Variants in NAV2 observed in about 807,000 individuals in gnomAD.
NAV2 encodes the protein neuron navigator 2, also known as helicase, APC down-regulated 1.
NAV2 carries 54 observed loss-of-function variants against 223.2 expected under a neutral mutation model. The observed-to-expected ratio is 0.24, with a 90% CI of 0.19 to 0.30. NAV2 has a LOEUF of 0.30. Ranked by LOEUF, NAV2 falls within the 10% of genes least tolerant of loss-of-function variation. The pLI is 1.00. For synonymous variants in NAV2, 1,279 were observed against 1,239.3 expected (o/e 1.03, Z -0.67); for missense variants, 2,806 against 3,147.5 (o/e 0.89, Z 2.60).
chr11:19,683,688 G>A (rs1431199207), intron 1 of NAV2, among the ~76,000 whole-genome samples: 1 of 152,206 alleles, frequency 6.6e-6, no homozygotes, highest in Non-Finnish European at 1.5e-5. Context: ...CTTCCAGTCG[G>A]GTCTGTGTGA....
intron 5 of NAV2, among the ~76,000 whole-genome samples, chr11:19,885,335 ACT>A (rs2063463927): frequency 6.6e-6 from 1 of 151,742 alleles, no homozygotes; most frequent in African/African-American, 2.4e-5. Context: ...ACAGTGCTAC[ACT>A]CTCTTCCCTC....
At chr11:19,380,891 C>T (rs904067963) in intron 1 of NAV2, among the ~76,000 whole-genome samples, 9 of 152,180 alleles carry the variant, frequency 5.9e-5, no homozygotes, top group African/African-American at 2.2e-4. Flanking sequence ...CCAGGAAAAT[C>T]TGGGCAAACC....
rs115883211 is a variant in NAV2, at chr11:19,558,399, G to A, written c.75+207372G>A. On this transcript the variant is annotated intron_variant, in intron 1 of 37. Transcript: ENST00000360655. ...CTGGCAGGGCCTCTCTCTCCAGCAC[G>A]AGAGTCAGAATGGTTTTACATGGCA... 4.6e-3 allele frequency among the ~76,000 whole-genome samples: 696 copies of A among 152,324 alleles called. 4 individuals carry two copies. The highest frequency in any genetic ancestry group is 0.016 in the African/African-American group (669 of 41,574).
At chr11:19,771,173 T>G (rs1046586038) in intron 1 of NAV2, among the ~76,000 whole-genome samples, 2 of 152,168 alleles carry the variant, frequency 1.3e-5, no homozygotes, top group African/African-American at 4.8e-5. Context: ...ATGAATAAGA[T>G]AGAGTATCTG....
chr11:19,511,366 GT>G (rs1300970471), intron 1 of NAV2: 1 of 152,196 alleles, frequency 6.6e-6, no homozygotes, highest in Non-Finnish European at 1.5e-5. Context: ...AAATAGACCA[GT>G]TTATGGAGAC....
At chr11:19,667,990 G>A (rs543975315) in intron 1 of NAV2, among the ~76,000 whole-genome samples, 14 of 152,190 alleles carry the variant, frequency 9.2e-5, no homozygotes, top group African/African-American at 3.1e-4. Flanking sequence ...CTTGCAGCCT[G>A]TCTTAGCTAA....
rs1279890039 is a variant in NAV2, at chr11:19,713,259, C to A, written c.-437C>A. The A allele has an allele frequency of 1.0e-6, 1 of 972,896 alleles. No homozygotes were observed. Among genetic ancestry groups the A allele is most frequent in the African/African-American group, 1.7e-5 (1 of 57,456 alleles). The allele number at this position is 972,896 out of a possible 1,614,324, so 60.3% of individuals were successfully genotyped here. On this transcript the variant is annotated 5_prime_UTR_variant, in exon 1 of 38. Transcript: ENST00000349880. The surrounding 1 kb of genome is among the most constrained non-coding windows in gnomAD (Gnocchi z 7.2). ...CTCGCCGGCTCAGACCCGTAGCCTC[C>A]GGAACGGGACTCGTGGGTCGCCGCC...
intron 1 of NAV2, among the ~76,000 whole-genome samples, chr11:19,776,063 C>G (rs1480785597): frequency 6.6e-6 from 1 of 152,170 alleles, no homozygotes; most frequent in East Asian, 1.9e-4. Flanking sequence ...ACAGTTTTGA[C>G]TACGGAAATG....
At chr11:19,924,931 A>T (rs1291160421) in intron 6 of NAV2, among the ~76,000 whole-genome samples, 1 of 152,206 alleles carries the variant, frequency 6.6e-6, no homozygotes, top group Non-Finnish European at 1.5e-5. Context: ...TCTACTAACC[A>T]CAATGCAGGA....
intron 1 of NAV2, among the ~76,000 whole-genome samples, chr11:19,669,113 C>G (rs1048145563): frequency 6.6e-6 from 1 of 152,164 alleles, no homozygotes; most frequent in African/African-American, 2.4e-5. Context: ...CAGCCAGCAC[C>G]AAAGTTTTAT....
chr11:19,931,634 G>T (rs1455532416), intron 6 of NAV2: 3 of 146,342 alleles, frequency 2.0e-5, no homozygotes, highest in Admixed American at 6.8e-5. Context: ...CGTTAATCCC[G>T]CCAGGCTTCT....
intron 1 of NAV2, among the ~76,000 whole-genome samples, chr11:19,809,482 T>C (rs1322703694): frequency 6.6e-6 from 1 of 152,220 alleles, no homozygotes; most frequent in African/African-American, 2.4e-5. Context: ...AATTTGATAG[T>C]ACAGAAAGTT....
At chr11:20,071,583 T>C (rs762573591) in intron 22 of NAV2, among the ~76,000 whole-genome samples, 17 of 152,210 alleles carry the variant, frequency 1.1e-4, no homozygotes, top group Non-Finnish European at 1.8e-4. Context: ...TCATCAACAG[T>C]ATAAAAGTGT....
In NAV2 at chr11:19,651,050, G is replaced by C. The variant is rs1408406818; in HGVS notation, c.76-181434G>C. ...TCTTAATTAAGTTAGCCTAAACATG[G>C]AGAGCTATTTGCCTGCCCTTAGTCA... On this transcript the variant is annotated intron_variant, in intron 1 of 37. Transcript: ENST00000360655. Among the ~76,000 whole-genome samples, 3 of 152,100 alleles carry C rather than the reference G, an allele frequency of 2.0e-5. No homozygotes were observed. The East Asian group carries it at 5.8e-4, about 29-fold the overall frequency.
chr11:19,973,923 G>A (rs1055022861), intron 10 of NAV2, among the ~76,000 whole-genome samples: 7 of 152,270 alleles, frequency 4.6e-5, no homozygotes, highest in African/African-American at 1.2e-4. Context: ...TCCTGAGGCC[G>A]GTAGGCATTT....
chr11:20,044,554 A>G (rs953534290), intron 13 of NAV2, among the ~76,000 whole-genome samples: 8 of 152,182 alleles, frequency 5.3e-5, no homozygotes, highest in African/African-American at 1.9e-4. Context: ...ATTCAACAGC[A>G]TGGGTTTATG....
At chr11:19,663,605 A>T (rs528182494) in intron 1 of NAV2, among the ~76,000 whole-genome samples, 1 of 152,094 alleles carries the variant, frequency 6.6e-6, no homozygotes. Context: ...ACACCATCCT[A>T]GTGGCATATT....
chr11:19,969,165 C>T (rs2049014978), intron 10 of NAV2, among the ~76,000 whole-genome samples: 1 of 152,204 alleles, frequency 6.6e-6, no homozygotes, highest in African/African-American at 2.4e-5. Context: ...TCAAACTGTG[C>T]TCCCCACTAT....
chr11:19,383,531 G>A (rs557185535), intron 1 of NAV2, among the ~76,000 whole-genome samples: 1 of 152,306 alleles, frequency 6.6e-6, no homozygotes, highest in African/African-American at 2.4e-5. Context: ...CTTGAGAAAT[G>A]CCTTAGTCTG....
Sources: allele counts gnomAD v4.1 joint callset (sites outside exome capture counted in the v4.1 genomes callset), GRCh38; gene constraint gnomAD v4.1.1; non-coding constraint Gnocchi (gnomAD v3.1); transcripts MANE v1.5; gene names NCBI Gene and HGNC (gene_info 2026-07-23, HGNC 2026-07-21).